The following C2orf81 variants were observed in gnomAD, a reference collection of about 807,000 sequenced individuals.
C2orf81 encodes chromosome 2 open reading frame 81.
In C2orf81, 5 loss-of-function variants were observed where a neutral mutation model predicts 7.9. That is an observed-to-expected ratio of 0.63 (90% CI 0.33 to 1.33). The LOEUF is 1.33. Ranked by LOEUF, C2orf81 falls within the 40% of genes most tolerant of loss-of-function variation. The pLI is 0.05. For missense variants in C2orf81, 781 were observed against 830.4 expected, an observed-to-expected ratio of 0.94 and a Z score of 0.73; for synonymous variants, 346 against 367.4, an observed-to-expected ratio of 0.94 and a Z score of 0.66.
chr2:74,415,818 C>G lies in C2orf81; in HGVS notation c.359G>C (p.Trp120Ser), dbSNP rs1242233692. 13 of 1,551,512 alleles carry G rather than the reference C, an allele frequency of 8.4e-6. No homozygotes were observed. In the East Asian group the frequency reaches 2.9e-4, roughly 35 times the overall value. ...GESAVAEDPTWGEDEEPSACT... is the reference protein window; with the variant it reads ...GESAVAEDPTSGEDEEPSACT... ...TGCCGAAGGCTCCTCGTCCTCACCCCATGTGGGGTCCTCAGCTACTGCAGA... is the reference window on the plus strand; with the variant it reads ...TGCCGAAGGCTCCTCGTCCTCACCCGATGTGGGGTCCTCAGCTACTGCAGA... The change falls in exon 3 of 3, where the codon TGG becomes TCG. Residue 120 changes from tryptophan to serine, a missense_variant. Trp to Ser is a radical substitution (Grantham distance 177). Transcript: ENST00000684111. This position sits in a 1 kb window ranked among gnomAD's most constrained non-coding sequence, Gnocchi z 5.5.
At chr2:74,420,807 GTCTC>G (rs1233099467) in intron 1 of C2orf81, among the ~76,000 whole-genome samples, 3 of 100,348 alleles carry the variant, frequency 3.0e-5, no homozygotes, top group African/African-American at 8.1e-5. Flanking sequence ...TTTTGAGACA[GTCTC>G]TCTCTGTCAC....
chr2:74,415,992 G>T lies in C2orf81; in HGVS notation c.249+19C>A. The T allele has an allele frequency of 6.5e-7, 1 of 1,549,676 alleles. No homozygotes were observed. The highest frequency in any genetic ancestry group is 1.2e-5 in the South Asian group (1 of 83,566). ...GCGGGAGAGGGAGACGAGTCTGAAGGACCCGGATCCCGGCCCACCTGCTGA... is the reference window on the plus strand; with the variant it reads ...GCGGGAGAGGGAGACGAGTCTGAAGTACCCGGATCCCGGCCCACCTGCTGA... On this transcript the variant is annotated intron_variant, in intron 2 of 2. Transcript: ENST00000684111. This position sits in a 1 kb window ranked among gnomAD's most constrained non-coding sequence, Gnocchi z 5.5.
intron 1 of C2orf81, chr2:74,417,292 G>A: frequency 8.9e-7 from 1 of 1,127,488 alleles, no homozygotes; most frequent in Non-Finnish European, 1.2e-6. Flanking sequence ...TCTGAGGAGA[G>A]GAAAATGGCC....
Position 74,420,772 on chromosome 2 carries a change from C to CTTTTTTT in C2orf81, c.18+764_18+770dup, listed in dbSNP as rs745827470. ...CAAATCCGTTTTCTTTCTTCTTCTT[C>CTTTTTTT]TTTTTTTTTTTTTTTTTTTTTTTTT... is the stretch of plus-strand genomic sequence containing the variant. On this transcript the variant is annotated intron_variant, in intron 1 of 2. Transcript: ENST00000684111. Among the ~76,000 whole-genome samples the CTTTTTTT allele has an allele frequency of 3.2e-3, 233 of 72,706 alleles. 7 individuals carry two copies. The highest frequency in any genetic ancestry group is 0.01 in the African/African-American group (182 of 17,512). 47.7% of individuals were successfully genotyped at this position (72,706 alleles called of 152,430 possible). A position where few individuals can be genotyped will look rare whatever the true frequency, so the allele number is the denominator to read the frequency against.
Position 74,415,367 on chromosome 2 carries a change from G to C in C2orf81, c.810C>G (p.Asp270Glu), listed in dbSNP as rs1273232349. Residue 270 changes from aspartate to glutamate, a missense_variant, in exon 3 of 3, where the codon GAC becomes GAG. Coordinates refer to ENST00000684111, the MANE Select transcript of C2orf81 (RefSeq NM_001316764.3). This position sits in a 1 kb window ranked among gnomAD's most constrained non-coding sequence, Gnocchi z 5.5. Reference sequence around the variant, plus strand: ...ACGGATCCAGAGAAGGGTCGGCATCGTCGGCAGGCGCCTCCTCCACCGACA... The same window carrying C: ...ACGGATCCAGAGAAGGGTCGGCATCCTCGGCAGGCGCCTCCTCCACCGACA... ...FQLSVEEAPA[D>E]DADPSLDPYL... 6.6e-7 allele frequency: 1 copy of C among 1,516,832 alleles called. No homozygotes were observed. 94.0% of individuals were successfully genotyped at this position (1,516,832 alleles called of 1,614,324 possible). A position where few individuals can be genotyped will look rare whatever the true frequency, so the allele number is the denominator to read the frequency against.
At chr2:74,416,664 A>G in intron 1 of C2orf81, 1 of 160,884 alleles carries the variant, frequency 6.2e-6, no homozygotes, top group Non-Finnish European at 1.4e-5. Flanking sequence ...GCACACAGTG[A>G]GCAAGCCCAG....
chr2:74,418,906 C>T (rs1343802922), intron 1 of C2orf81, among the ~76,000 whole-genome samples: 1 of 151,968 alleles, frequency 6.6e-6, no homozygotes, highest in Non-Finnish European at 1.5e-5. Flanking sequence ...AATGGCCGGG[C>T]GCAGTGGCTC....
At chr2:74,419,530 C>T (rs950744453) in intron 1 of C2orf81, among the ~76,000 whole-genome samples, 70 of 152,146 alleles carry the variant, frequency 4.6e-4, no homozygotes, top group African/African-American at 1.7e-3. Context: ...TACCATGCTG[C>T]AACAGTATGC....
Position 74,415,018 on chromosome 2 carries a change from G to T in C2orf81, c.1159C>A (p.Arg387Ser). 6.5e-7 allele frequency: 1 copy of T among 1,548,392 alleles called. No individual in the cohort carries two copies. The change falls in exon 3 of 3, where the codon CGC (arginine) becomes AGC (serine). Residue 387 changes from arginine to serine, a missense_variant. Physicochemically the swap from Arg to Ser is moderately radical, Grantham distance 110. Coordinates refer to ENST00000684111, the MANE Select transcript of C2orf81 (RefSeq NM_001316764.3). The surrounding 1 kb of genome is among the most constrained non-coding windows in gnomAD (Gnocchi z 5.5). ...DPARLPCHWV[R>S]PLAEVLVPDS... ...GGGACCAGGACCTCAGCCAGAGGGC[G>T]CACCCAGTGGCACGGGAGCCTCGCA... is the stretch of plus-strand genomic sequence containing the variant.
chr2:74,415,330 T>C lies in C2orf81; in HGVS notation c.847A>G (p.Ser283Gly). 6.5e-7 allele frequency: 1 copy of C among 1,542,176 alleles called. No individual in the cohort carries two copies. Among genetic ancestry groups the C allele is most frequent in the Non-Finnish European group, 8.8e-7 (1 of 1,141,556 alleles). Reference sequence around the variant, plus strand: ...CCCCTCCCAGTTGAGGCCTGGGGGCTGGCTACCAGGTACGGATCCAGAGAA... The same window carrying C: ...CCCCTCCCAGTTGAGGCCTGGGGGCCGGCTACCAGGTACGGATCCAGAGAA... ...DPSLDPYLVA[S>G]PQASTGRGHP... is the part of the protein sequence containing the mutation. Residue 283 changes from serine (S) to glycine (G), a missense_variant, in exon 3 of 3, where the codon AGC becomes GGC. By Grantham distance (56) the Ser-to-Gly change is moderately conservative. Transcript: ENST00000684111. This position sits in a 1 kb window ranked among gnomAD's most constrained non-coding sequence, Gnocchi z 5.5.
chr2:74,416,054 G>A lies in C2orf81; in HGVS notation c.206C>T (p.Ala69Val). 6 of 1,549,782 alleles carry A rather than the reference G, an allele frequency of 3.9e-6. No homozygotes were observed. The highest frequency in any genetic ancestry group is 4.4e-6 in the Non-Finnish European group (5 of 1,146,594). ...VVGDILADLL[A>V]RVMDSAFKVY... Reference sequence around the variant, plus strand: ...TTTGAAAGCAGAGTCCATGACTCGAGCCAGCAAGTCGGCCAAGATGTCCCC... The same window carrying A: ...TTTGAAAGCAGAGTCCATGACTCGAACCAGCAAGTCGGCCAAGATGTCCCC... Residue 69 changes from alanine to valine, a missense_variant, in exon 2 of 3, where the codon GCT becomes GTT. Ala to Val is a moderately conservative substitution (Grantham distance 64, BLOSUM62 0). Transcript: ENST00000684111.
At chr2:74,416,921 C>T (rs1676485066) in intron 1 of C2orf81, among the ~76,000 whole-genome samples, 1 of 152,084 alleles carries the variant, frequency 6.6e-6, no homozygotes, top group Non-Finnish European at 1.5e-5. Flanking sequence ...CCCTGACAGA[C>T]CCGGGGGAGC....
Position 74,415,376 on chromosome 2 carries a change from C to T in C2orf81, c.801G>A (p.Ala267=). The change falls in exon 3 of 3, where the codon GCG becomes GCA. Residue 267 remains alanine, a synonymous_variant. Transcript: ENST00000684111. The surrounding 1 kb of genome is among the most constrained non-coding windows in gnomAD (Gnocchi z 5.5). ...SASFQLSVEE[A]PADDADPSLD... is the part of the protein sequence containing the mutation. ...GAGAAGGGTCGGCATCGTCGGCAGG[C>T]GCCTCCTCCACCGACAGTTGGAAGC... 1.3e-6 allele frequency: 2 copies of T among 1,516,178 alleles called. No individual in the cohort carries two copies. The highest frequency in any genetic ancestry group is 2.5e-5 in the East Asian group (1 of 40,398). The allele number at this position is 1,516,178 out of a possible 1,614,324, so 93.9% of individuals were successfully genotyped here. A position where few individuals can be genotyped will look rare whatever the true frequency, so the allele number is the denominator to read the frequency against.
Position 74,416,093 on chromosome 2 carries a change from C to T in C2orf81, c.167G>A (p.Gly56Asp). The T allele has an allele frequency of 6.5e-7, 1 of 1,544,378 alleles. No homozygotes were observed. The stretch of plus-strand genomic sequence containing the variant: ...CAAGATGTCCCCTACGACGTCCTCG[C>T]CCTCCTCGAGGGCTGTAAGCGCCAT... ...EWMALTALEE[G>D]EDVVGDILAD... Residue 56 changes from glycine to aspartate, a missense_variant, in exon 2 of 3, where the codon GGC becomes GAC. Transcript: ENST00000684111.
In C2orf81 at chr2:74,415,987, T is replaced by G. The variant is rs557349339; in HGVS notation, c.249+24A>C. ...GAGGGGCGGGAGAGGGAGACGAGTC[T>G]GAAGGACCCGGATCCCGGCCCACCT... On this transcript the variant is annotated intron_variant, in intron 2 of 2. Transcript: ENST00000684111. The surrounding 1 kb of genome is among the most constrained non-coding windows in gnomAD (Gnocchi z 5.5). The G allele has an allele frequency of 1.3e-5, 20 of 1,549,430 alleles. No individual in the cohort carries two copies. Among genetic ancestry groups the G allele is most frequent in the Non-Finnish European group, 1.7e-5 (19 of 1,146,080 alleles).
Position 74,415,416 on chromosome 2 carries a change from C to T in C2orf81, c.761G>A (p.Gly254Glu), listed in dbSNP as rs1676426638. The change falls in exon 3 of 3, where the codon GGG (glycine) becomes GAG (glutamate). Residue 254 changes from glycine to glutamate, a missense_variant. Physicochemically the swap from Gly to Glu is moderately conservative, Grantham distance 98. Coordinates refer to ENST00000684111, the MANE Select transcript of C2orf81 (RefSeq NM_001316764.3). The surrounding 1 kb of genome is among the most constrained non-coding windows in gnomAD (Gnocchi z 5.5). ...DGQSRGLSSA[G>E]SLSASFQLSV... ...CAGTTGGAAGCTCGCGCTCAAGGAC[C>T]CGGCCGAGGAGAGGCCTCTAGACTG... 2.0e-6 allele frequency: 3 copies of T among 1,530,160 alleles called. No individual in the cohort carries two copies. Among genetic ancestry groups the T allele is most frequent in the Non-Finnish European group, 2.6e-6 (3 of 1,133,264 alleles). The allele number at this position is 1,530,160 out of a possible 1,614,324, so 94.8% of individuals were successfully genotyped here.
At chr2:74,420,883 C>G (rs546216569) in intron 1 of C2orf81, among the ~76,000 whole-genome samples, 55 of 141,566 alleles carry the variant, frequency 3.9e-4, no homozygotes, top group African/African-American at 1.4e-3. Flanking sequence ...CGAGTTCAAG[C>G]AATTCTCCTG....
intron 1 of C2orf81, chr2:74,418,268 C>T (rs1676518264): frequency 6.2e-7 from 1 of 1,604,960 alleles, no homozygotes; most frequent in Non-Finnish European, 8.5e-7. Context: ...TTTGGTCGGC[C>T]CCGAGGTCTC....
At chr2:74,419,896 G>A (rs1033581049) in intron 1 of C2orf81, among the ~76,000 whole-genome samples, 7 of 151,964 alleles carry the variant, frequency 4.6e-5, no homozygotes, top group African/African-American at 1.7e-4. Flanking sequence ...CTCAGCCTCC[G>A]GAGTAGCTGG....
Sources: gnomAD v4.1 joint callset for allele counts (sites outside exome capture counted in the v4.1 genomes callset) on GRCh38, gnomAD v4.1.1 for gene constraint, Gnocchi (gnomAD v3.1) non-coding constraint, MANE v1.5 for transcripts, NCBI Gene and HGNC (gene_info 2026-07-23, HGNC 2026-07-21) for gene names.